Variants in SLC1A7 observed in about 807,000 individuals in gnomAD.
The protein encoded by SLC1A7 is solute carrier family 1 member 7, also known as excitatory amino acid transporter 5.
A neutral mutation model predicts 47.7 loss-of-function variants in SLC1A7; 40 were observed. The observed-to-expected ratio is 0.84, with a 90% CI of 0.65 to 1.09. SLC1A7 has a LOEUF of 1.09. SLC1A7 is among the 50% of genes least tolerant of loss of function. The pLI, the probability that SLC1A7 is intolerant of heterozygous loss-of-function variation, is 0.00. For synonymous variants in SLC1A7, 323 were observed against 325.6 expected (o/e 0.99, Z 0.09); for missense variants, 746 against 769.5 (o/e 0.97, Z 0.36).
chr1:53,092,574 G>A lies in SLC1A7; in HGVS notation c.1011C>T (p.Ile337=), dbSNP rs1157092090. 3.7e-6 allele frequency: 6 copies of A among 1,613,832 alleles called. No individual in the cohort carries two copies. The highest frequency in any genetic ancestry group is 1.7e-5 in the Admixed American group (1 of 60,012). Residue 337 remains isoleucine (I), a synonymous_variant, in exon 7 of 11, where the codon ATC becomes ATT. Coordinates refer to ENST00000371494, the MANE Select transcript of SLC1A7 (RefSeq NM_006671.6). ...GCTACCTGGAGGAGGTGGCCAGCGC[G>A]ATGAGCAGAGCCTGCAGGATGCCAC... The part of the protein sequence containing the change: ...FIRGILQALL[I]ALATSSSSAT...
chr1:53,136,619 T>TATATAATATATAA (rs1557693401), intron 1 of SLC1A7, among the ~76,000 whole-genome samples: 12 of 107,252 alleles, frequency 1.1e-4, no homozygotes, highest in South Asian at 2.7e-4. Context: ...ATAATATATA[T>TATATAATATATAA]AAACATATAT....
intron 10 of SLC1A7, among the ~76,000 whole-genome samples, chr1:53,088,674 T>C (rs887105563): frequency 6.6e-6 from 1 of 152,214 alleles, no homozygotes; most frequent in African/African-American, 2.4e-5. Context: ...CCTGTGTCTA[T>C]ATCAGCGCCA....
intron 5 of SLC1A7, among the ~76,000 whole-genome samples, chr1:53,095,535 G>A (rs746435345): frequency 1.2e-4 from 16 of 135,260 alleles, no homozygotes; most frequent in South Asian, 2.5e-4. Context: ...CACTCACACC[G>A]CCTCGGTACA....
intron 3 of SLC1A7, chr1:53,114,434 A>AGGACCAATAAACAAAGGGAG: frequency 2.8e-6 from 1 of 356,748 alleles, no homozygotes; most frequent in South Asian, 4.7e-5. Flanking sequence ...CTGTAAAAAG[A>AGGACCAATAAACAAAGGGAG]GGACCAATAA....
intron 1 of SLC1A7, among the ~76,000 whole-genome samples, chr1:53,136,841 A>AT (rs1245973798): frequency 1.3e-5 from 2 of 151,286 alleles, no homozygotes; most frequent in Admixed American, 1.3e-4. Flanking sequence ...TAATTTTTGT[A>AT]TTTTTTGTAG....
chr1:53,111,258 A>C (rs1644698291), intron 3 of SLC1A7, among the ~76,000 whole-genome samples: 1 of 152,140 alleles, frequency 6.6e-6, no homozygotes, highest in East Asian at 1.9e-4. Flanking sequence ...CCCAGAGAGG[A>C]GGCAATGACA....
rs150202125 is a variant in SLC1A7 at position 53,121,740 on chromosome 1, G to A, written c.216-6767C>T. ...CCACAGCTTGGAGTGCACAAACACC[G>A]GGGTGGGAGGGGGAGGCTGAGCCGT... On this transcript the variant is annotated intron_variant, in intron 2 of 10. Coordinates refer to ENST00000371494, the MANE Select transcript of SLC1A7 (RefSeq NM_006671.6). Among the ~76,000 whole-genome samples, 874 of 152,326 alleles carry A rather than the reference G, an allele frequency of 5.7e-3. 9 individuals are homozygous for A. The highest frequency in any genetic ancestry group is 0.02 in the African/African-American group (840 of 41,570).
In SLC1A7 at chr1:53,093,444, TA is replaced by T; in HGVS notation, c.797+16del. ...CCAGGGCTGGCCGGGGTGAGGTGGGTAAATGAGGAGGCTTACCACACAGCCA... is the reference window on the plus strand; with the variant it reads ...CCAGGGCTGGCCGGGGTGAGGTGGGTAATGAGGAGGCTTACCACACAGCCA... On this transcript the variant is annotated intron_variant, in intron 6 of 10. Coordinates refer to ENST00000371494, the MANE Select transcript of SLC1A7 (RefSeq NM_006671.6). 6.3e-7 allele frequency: 1 copy of T among 1,592,786 alleles called. No individual in the cohort carries two copies. The highest frequency in any genetic ancestry group is 8.6e-7 in the Non-Finnish European group (1 of 1,168,982).
intron 2 of SLC1A7, chr1:53,115,917 A>G (rs1288379): frequency 0.98 from 149,624 of 152,258 alleles, 73,579 homozygotes; most frequent in Middle Eastern, 1. Flanking sequence ...TCTTGCAGCC[A>G]TTGTGGGGGG....
Position 53,103,547 on chromosome 1 carries a change from C to G in SLC1A7, c.496G>C (p.Val166Leu). 1 of 1,603,520 alleles carries G rather than the reference C, an allele frequency of 6.2e-7. No individual in the cohort carries two copies. The highest frequency in any genetic ancestry group is 8.5e-7 in the Non-Finnish European group (1 of 1,174,216). The change falls in exon 5 of 11, where the codon GTT (valine) becomes CTT (leucine). Residue 166 changes from valine to leucine, a missense_variant. Physicochemically the swap from Val to Leu is conservative, Grantham distance 32. Coordinates refer to ENST00000371494, the MANE Select transcript of SLC1A7 (RefSeq NM_006671.6). ...FKQYRTKTTP[V>L]VKSPKVAPEE... ...GGTGCCACCTTGGGGGACTTGACAA[C>G]TGGGGTGGTCTTGGTGCGGTACTGG...
chr1:53,089,046 AC>A, intron 9 of SLC1A7, 67 bp from the exon 10 acceptor site: 2 of 1,289,080 alleles, frequency 1.6e-6, no homozygotes, highest in Non-Finnish European at 2.3e-6. Context: ...GCAGTGCTCA[AC>A]CCAGCACAGT....
chr1:53,117,778 T>C (rs767698732), intron 2 of SLC1A7, among the ~76,000 whole-genome samples: 23 of 152,008 alleles, frequency 1.5e-4, no homozygotes, highest in Admixed American at 6.6e-4. Flanking sequence ...AACACGGGGG[T>C]GGCGCCAACT....
chr1:53,115,380 CAAGCTTGGTCT>C lies in SLC1A7; in HGVS notation c.216-418_216-408del. On this transcript the variant is annotated intron_variant, in intron 2 of 10. Transcript: ENST00000371494. ...TGACCCCTGCCCAGCCAGGCAGGAC[CAAGCTTGGTCT>C]ACCTCTGAGATCTACCTGCCTCTCC... 36 of 214,438 alleles carry C rather than the reference CAAGCTTGGTCT, an allele frequency of 1.7e-4. No homozygotes were observed. The East Asian group carries it at 3.1e-3, about 18-fold the overall frequency. The allele number at this position is 214,438 out of a possible 1,614,324, so 13.3% of individuals were successfully genotyped here.
chr1:53,097,932 C>G (rs113604492), intron 5 of SLC1A7, among the ~76,000 whole-genome samples: 780 of 40,354 alleles, frequency 0.019, 8 homozygotes, highest in African/African-American at 0.029. Context: ...ACTCACCCCA[C>G]CTCGGTACAC....
intron 7 of SLC1A7, 113 bp from the exon 8 acceptor site, chr1:53,090,919 T>C (rs1204228308): frequency 6.5e-7 from 1 of 1,543,824 alleles, no homozygotes; most frequent in Non-Finnish European, 8.7e-7. Context: ...TGTTTGTGCC[T>C]CTGCAGCGCT....
At chr1:53,122,878 T>C (rs1644840287) in intron 2 of SLC1A7, among the ~76,000 whole-genome samples, 3 of 152,136 alleles carry the variant, frequency 2.0e-5, no homozygotes, top group African/African-American at 2.4e-5. Context: ...TGGAGCCACA[T>C]GGACCAAACC....
At position 53,088,106 on chromosome 1, in the gene SLC1A7, T is replaced by TG. The variant is rs1415375206; in HGVS notation, c.1585dup (p.His529ProfsTer11). 6 of 1,611,984 alleles carry TG rather than the reference T, an allele frequency of 3.7e-6. No individual in the cohort carries two copies. The highest frequency in any genetic ancestry group is 5.1e-6 in the Non-Finnish European group (6 of 1,178,766). Reference sequence around the variant, plus strand: ...CTGCTCCACTTGAACGGGGACGTGGTGGGGGCAGGTGGGGCCCAGGGTGAG... The same window carrying TG: ...CTGCTCCACTTGAACGGGGACGTGGTGGGGGGCAGGTGGGGCCCAGGGTGAG... On this transcript the variant is annotated frameshift_variant, in exon 11 of 11. Transcript: ENST00000371494. LOFTEE classifies it high-confidence loss of function.
At chr1:53,090,532 C>T in intron 8 of SLC1A7, 80 bp downstream of exon 8, 3 of 1,456,756 alleles carry the variant, frequency 2.1e-6, no homozygotes, top group Non-Finnish European at 2.7e-6. Flanking sequence ...GCTTCAGATA[C>T]CCCTCAAGTC....
rs199982485 is a variant in SLC1A7 at position 53,142,491 on chromosome 1, C to T, written c.-42G>A. Reference sequence around the variant, plus strand: ...TGGCAAGGGGCACAGCACCATTCCACGCATGAGAGCCCGGCCGGGGGCACA... The same window carrying T: ...TGGCAAGGGGCACAGCACCATTCCATGCATGAGAGCCCGGCCGGGGGCACA... On this transcript the variant is annotated 5_prime_UTR_variant, in exon 1 of 11. The change creates a new upstream start codon in the 5' untranslated region. Transcript: ENST00000371494. The T allele has an allele frequency of 3.5e-5, 56 of 1,601,760 alleles. No individual in the cohort carries two copies. Among genetic ancestry groups the T allele is most frequent in the East Asian group, 3.1e-4 (14 of 44,676 alleles).
Sources: gnomAD v4.1 joint callset for allele counts (sites outside exome capture counted in the v4.1 genomes callset) on GRCh38, gnomAD v4.1.1 for gene constraint, MANE v1.5 for transcripts, NCBI Gene and HGNC (gene_info 2026-07-23, HGNC 2026-07-21) for gene names.